Variants in AFG2A observed in about 807,000 individuals in gnomAD.
The protein encoded by AFG2A is ATPase family gene 2 protein homolog A.
At chr4:123,031,358 G>A in the AFG2A span, among the ~76,000 whole-genome samples, 41 of 152,214 alleles carry the variant, frequency 2.7e-4, no homozygotes, top group African/African-American at 7.0e-4. Flanking sequence ...TCACCATGTT[G>A]CCCAGGCTGG....
the AFG2A span, among the ~76,000 whole-genome samples, chr4:123,240,756 C>A: frequency 6.6e-6 from 1 of 151,906 alleles, no homozygotes; most frequent in East Asian, 1.9e-4. Context: ...CAAAAGCTAG[C>A]AGAAGGCAAG....
the AFG2A span, among the ~76,000 whole-genome samples, chr4:123,162,471 C>A: frequency 1.3e-5 from 2 of 152,106 alleles, no homozygotes; most frequent in Non-Finnish European, 2.9e-5. Flanking sequence ...GTGTACACTA[C>A]ATTTATTTTA....
At chr4:123,201,014 T>G in the AFG2A span, among the ~76,000 whole-genome samples, 14 of 152,356 alleles carry the variant, frequency 9.2e-5, no homozygotes, top group East Asian at 2.5e-3. Context: ...GAATTATCTT[T>G]AATAAAATAA....
chr4:123,125,823 AATT>A, the AFG2A span, among the ~76,000 whole-genome samples: 1 of 152,068 alleles, frequency 6.6e-6, no homozygotes, highest in South Asian at 2.1e-4. Context: ...TTGAAATCTC[AATT>A]ATTTTATCTC....
At chr4:123,158,612 A>G in the AFG2A span, among the ~76,000 whole-genome samples, 2 of 152,210 alleles carry the variant, frequency 1.3e-5, no homozygotes, top group African/African-American at 4.8e-5. Flanking sequence ...GGGTCAAGAA[A>G]TACAGAGTAC....
the AFG2A span, among the ~76,000 whole-genome samples, chr4:123,247,743 G>T: frequency 6.6e-6 from 1 of 151,970 alleles, no homozygotes. Flanking sequence ...GATTGATTTT[G>T]ATCTCTAACA....
chr4:122,936,045 A>G, the AFG2A span: 2 of 1,457,906 alleles, frequency 1.4e-6, no homozygotes, highest in Non-Finnish European at 1.9e-6. Flanking sequence ...GCTTTTATAG[A>G]CAAAGCTTTA....
chr4:123,013,013 T>C, the AFG2A span, among the ~76,000 whole-genome samples: 1 of 152,172 alleles, frequency 6.6e-6, no homozygotes, highest in Non-Finnish European at 1.5e-5. Flanking sequence ...GGCTGTTTAT[T>C]TCACCTGGGT....
the AFG2A span, among the ~76,000 whole-genome samples, chr4:123,097,472 T>C: frequency 6.6e-6 from 1 of 152,132 alleles, no homozygotes; most frequent in African/African-American, 2.4e-5. Context: ...TTTCACATTG[T>C]TTATCAAAAT....
At chr4:123,188,120 A>G in the AFG2A span, among the ~76,000 whole-genome samples, 1 of 152,084 alleles carries the variant, frequency 6.6e-6, no homozygotes, top group African/African-American at 2.4e-5. Context: ...TATTCTTATC[A>G]TTAAACATAT....
the AFG2A span, among the ~76,000 whole-genome samples, chr4:123,010,929 A>G: frequency 1.3e-5 from 2 of 152,260 alleles, no homozygotes; most frequent in Admixed American, 1.3e-4. Flanking sequence ...TTCAACATTC[A>G]GGGACAAACT....
chr4:123,292,930 C>T, the AFG2A span, among the ~76,000 whole-genome samples: 1 of 152,176 alleles, frequency 6.6e-6, no homozygotes, highest in Non-Finnish European at 1.5e-5. Context: ...CCAGCCTTGA[C>T]AGAAGCAACT....
the AFG2A span, among the ~76,000 whole-genome samples, chr4:123,094,763 G>T: frequency 4.0e-5 from 6 of 151,872 alleles, no homozygotes; most frequent in Admixed American, 2.0e-4. Flanking sequence ...AAGAAAAGCT[G>T]GCTCTAACAC....
chr4:122,987,374 C>T, the AFG2A span, among the ~76,000 whole-genome samples: 3 of 152,038 alleles, frequency 2.0e-5, no homozygotes, highest in Non-Finnish European at 4.4e-5. Flanking sequence ...TTGTTTAATC[C>T]ATTCAGCCAC....
At chr4:123,077,479 C>T in the AFG2A span, among the ~76,000 whole-genome samples, 1 of 152,122 alleles carries the variant, frequency 6.6e-6, no homozygotes, top group African/African-American at 2.4e-5. Flanking sequence ...TGGATACTGG[C>T]AGAAACCATG....
the AFG2A span, chr4:122,933,637 A>G: frequency 1.5e-5 from 10 of 659,148 alleles, no homozygotes; most frequent in African/African-American, 1.5e-4. Context: ...GAATGAATAT[A>G]CTTTTAAGAT....
chr4:123,003,154 A>T, the AFG2A span, among the ~76,000 whole-genome samples: 43 of 152,292 alleles, frequency 2.8e-4, no homozygotes, highest in Non-Finnish European at 5.1e-4. Flanking sequence ...TTTCAGCTTC[A>T]TCAGCTCCTT....
At chr4:122,934,805 T>G in the AFG2A span, 2 of 1,487,150 alleles carry the variant, frequency 1.3e-6, no homozygotes, top group Admixed American at 2.4e-5. Flanking sequence ...TTGACACTTA[T>G]GTAATGATTG....
At chr4:122,979,450 T>A in the AFG2A span, 3 of 1,536,440 alleles carry the variant, frequency 2.0e-6, no homozygotes, top group Non-Finnish European at 2.6e-6. Context: ...AAATTTAGAG[T>A]TCAGGGAGAC....
Sources: allele counts gnomAD v4.1 joint callset (sites outside exome capture counted in the v4.1 genomes callset), GRCh38; gene constraint gnomAD v4.1.1; transcripts MANE v1.5; gene names NCBI Gene and HGNC (gene_info 2026-07-23, HGNC 2026-07-21).